CARM1: variants seen among roughly 807,000 people sequenced by gnomAD.
CARM1 encodes the protein coactivator associated arginine methyltransferase 1, also known as histone-arginine methyltransferase CARM1.
Under a neutral mutation model 72.7 loss-of-function variants are expected in CARM1, and 14 were observed. That is an observed-to-expected ratio of 0.19 (90% CI 0.13 to 0.30). The LOEUF is 0.30. Ranked by LOEUF, CARM1 falls within the 10% of genes least tolerant of loss-of-function variation. CARM1 has a pLI of 1.00. For synonymous variants in CARM1, 333 were observed against 345.5 expected, an observed-to-expected ratio of 0.96 and a Z score of 0.40; for missense variants, 432 against 833.7, an observed-to-expected ratio of 0.52 and a Z score of 5.93.
At chr19:10,914,859 G>A (rs1036854402) in intron 6 of CARM1, among the ~76,000 whole-genome samples, 2 of 152,198 alleles carry the variant, frequency 1.3e-5, no homozygotes, top group Non-Finnish European at 2.9e-5. Context: ...CCTGGCCTGG[G>A]TGACTGTTTC....
At chr19:10,897,568 A>G (rs1218710952) in intron 1 of CARM1, among the ~76,000 whole-genome samples, 1 of 152,186 alleles carries the variant, frequency 6.6e-6, no homozygotes, top group Non-Finnish European at 1.5e-5. Context: ...GCCAGCGAGT[A>G]GCCCCAGGCT....
intron 4 of CARM1, among the ~76,000 whole-genome samples, chr19:10,911,507 C>A (rs984360108): frequency 4.6e-5 from 7 of 152,222 alleles, no homozygotes; most frequent in Non-Finnish European, 1.0e-4. Context: ...GAGCTCTGAT[C>A]AGTACCCTGA....
chr19:10,882,086 C>T (rs1044889522), intron 1 of CARM1, among the ~76,000 whole-genome samples: 5 of 152,166 alleles, frequency 3.3e-5, no homozygotes, highest in East Asian at 1.9e-4. Flanking sequence ...CTTAGCATCC[C>T]GGTGACCACT....
chr19:10,909,983 T>C (rs2074136221), intron 4 of CARM1, among the ~76,000 whole-genome samples: 2 of 152,188 alleles, frequency 1.3e-5, no homozygotes, highest in Admixed American at 1.3e-4. Flanking sequence ...ATCCCAGCAC[T>C]TTGGGAGGCC....
chr19:10,903,425 A>G (rs1379930983), intron 1 of CARM1, among the ~76,000 whole-genome samples: 1 of 152,202 alleles, frequency 6.6e-6, no homozygotes, highest in Non-Finnish European at 1.5e-5. Context: ...TACTGACATC[A>G]TGGGAATTTG....
chr19:10,915,566 A>G lies in CARM1; in HGVS notation c.848-841A>G, dbSNP rs2074188818. 6.6e-6 allele frequency among the ~76,000 whole-genome samples: 1 copy of G among 152,080 alleles called. No homozygotes were observed. Among genetic ancestry groups the G allele is most frequent in the Non-Finnish European group, 1.5e-5 (1 of 67,958 alleles). ...ATGGTGCCCCCAGGTCCCCCAGGGC[A>G]GAAGCCGCAGCATGTGCATCTCCCT... On this transcript the variant is annotated intron_variant, in intron 6 of 15. Transcript: ENST00000327064. The surrounding 1 kb of genome is among the most constrained non-coding windows in gnomAD (Gnocchi z 4.6).
intron 1 of CARM1, among the ~76,000 whole-genome samples, chr19:10,872,981 T>C (rs2073831804): frequency 6.6e-6 from 1 of 152,154 alleles, no homozygotes; most frequent in Non-Finnish European, 1.5e-5. Context: ...GGGTTTTCCC[T>C]GCACCTCGAC....
At position 10,912,879 on chromosome 19, in the gene CARM1, G is replaced by A. The variant is rs962755592; in HGVS notation, c.669+585G>A. ...ACTCAGACTCCTTCCAGGTCTTCAC[G>A]TGGCCAACGCTGCTGTCCTGAGCCC... On this transcript the variant is annotated intron_variant, in intron 5 of 15. Transcript: ENST00000327064. The surrounding 1 kb of genome is among the most constrained non-coding windows in gnomAD (Gnocchi z 4.5). Among the ~76,000 whole-genome samples the A allele has an allele frequency of 1.3e-5, 2 of 152,150 alleles. No homozygotes were observed. The highest frequency in any genetic ancestry group is 2.4e-5 in the African/African-American group (1 of 41,444).
chr19:10,894,276 C>T (rs1568349718), intron 1 of CARM1, among the ~76,000 whole-genome samples: 1 of 152,174 alleles, frequency 6.6e-6, no homozygotes, highest in Non-Finnish European at 1.5e-5. Flanking sequence ...GGGGGTGGCT[C>T]TCTGGTTCAC....
intron 1 of CARM1, among the ~76,000 whole-genome samples, chr19:10,890,795 ATTTTTTT>A (rs67421012): frequency 1.1e-4 from 5 of 47,466 alleles, no homozygotes; most frequent in South Asian, 1.9e-3. Context: ...ATATATATAT[ATTTTTTT>A]TTTTTTTTTT....
chr19:10,879,982 C>G (rs1203140974), intron 1 of CARM1, among the ~76,000 whole-genome samples: 1 of 152,192 alleles, frequency 6.6e-6, no homozygotes, highest in African/African-American at 2.4e-5. Flanking sequence ...CACTGGCCCT[C>G]TGTGTAGGGG....
At chr19:10,919,410 CT>C in intron 8 of CARM1, 184 bp from the exon 9 acceptor site, 1 of 583,802 alleles carries the variant, frequency 1.7e-6, no homozygotes, top group South Asian at 2.1e-5. Flanking sequence ...ATTTGGAGAG[CT>C]GTCACCTGAT....
intron 1 of CARM1, among the ~76,000 whole-genome samples, chr19:10,899,628 G>A (rs781022147): frequency 9.9e-5 from 15 of 152,188 alleles, no homozygotes; most frequent in Non-Finnish European, 1.9e-4. Context: ...TGGCAGGACT[G>A]GCTGGGTGTG....
rs1365643123 is a variant in CARM1, at chr19:10,916,390, C to T, written c.848-17C>T. 1.3e-6 allele frequency: 2 copies of T among 1,588,182 alleles called. No individual in the cohort carries two copies. Among genetic ancestry groups the T allele is most frequent in the South Asian group, 1.1e-5 (1 of 90,540 alleles). ...TGTGTCACCTGACGCCAGCACCCCT[C>T]CCTGCCCCACTCCCAGGAAACATGT... On this transcript the variant is annotated splice_polypyrimidine_tract_variant and intron_variant, in intron 6 of 15. Coordinates refer to ENST00000327064, the MANE Select transcript of CARM1 (RefSeq NM_199141.2). The surrounding 1 kb of genome is among the most constrained non-coding windows in gnomAD (Gnocchi z 4.4).
At chr19:10,893,687 G>A (rs1322687830) in intron 1 of CARM1, among the ~76,000 whole-genome samples, 1 of 152,210 alleles carries the variant, frequency 6.6e-6, no homozygotes, top group African/African-American at 2.4e-5. Context: ...GTGAAGGCAG[G>A]TGCTAGTTCG....
At chr19:10,911,548 C>A (rs2145231632) in intron 4 of CARM1, among the ~76,000 whole-genome samples, 1 of 152,372 alleles carries the variant, frequency 6.6e-6, no homozygotes, top group East Asian at 1.9e-4. Context: ...GCTTCCCCTG[C>A]AGGCACTCAC....
chr19:10,891,954 A>G (rs1480406711), intron 1 of CARM1, among the ~76,000 whole-genome samples: 3 of 152,162 alleles, frequency 2.0e-5, no homozygotes, highest in Non-Finnish European at 4.4e-5. Flanking sequence ...GCAGCACTGA[A>G]GTCACTTTAT....
chr19:10,885,745 G>C (rs1357959923), intron 1 of CARM1, among the ~76,000 whole-genome samples: 1 of 152,094 alleles, frequency 6.6e-6, no homozygotes, highest in Non-Finnish European at 1.5e-5. Context: ...CCCTCTGCAG[G>C]AGCCTGGCTC....
rs145890234 is a variant in CARM1, at chr19:10,915,141, G to A, written c.847+1087G>A. On this transcript the variant is annotated intron_variant, in intron 6 of 15. Coordinates refer to ENST00000327064, the MANE Select transcript of CARM1 (RefSeq NM_199141.2). This position sits in a 1 kb window ranked among gnomAD's most constrained non-coding sequence, Gnocchi z 4.6. Reference sequence around the variant, plus strand: ...CCCTGGATCCAGGCCCTAGGGTCCTGGCTGGCTGTGCTCCTGGAGGTGGGA... The same window carrying A: ...CCCTGGATCCAGGCCCTAGGGTCCTAGCTGGCTGTGCTCCTGGAGGTGGGA... Among the ~76,000 whole-genome samples, 949 of 152,260 alleles carry A rather than the reference G, an allele frequency of 6.2e-3. 6 individuals are homozygous for A. The highest frequency in any genetic ancestry group is 0.011 in the Non-Finnish European group (733 of 67,994).
Sources: gnomAD v4.1 joint callset for allele counts (sites outside exome capture counted in the v4.1 genomes callset) on GRCh38, gnomAD v4.1.1 for gene constraint, Gnocchi (gnomAD v3.1) non-coding constraint, MANE v1.5 for transcripts, NCBI Gene and HGNC (gene_info 2026-07-23, HGNC 2026-07-21) for gene names.